Variants in GSTM3 observed in about 807,000 individuals in gnomAD.
The protein encoded by GSTM3 is GST class-mu 3.
In GSTM3, 34 loss-of-function variants were observed where a neutral mutation model predicts 36.1. That is an observed-to-expected ratio of 0.94 (90% CI 0.72 to 1.25). The LOEUF (loss-of-function observed/expected upper bound fraction) is 1.25, where lower values mean the gene tolerates loss of function less well. Among genes scored for constraint, GSTM3 ranks in the 50% most tolerant of loss-of-function variants. The pLI, the probability that GSTM3 is intolerant of heterozygous loss-of-function variation, is 0.00. For missense variants in GSTM3, 266 were observed against 281.6 expected, an observed-to-expected ratio of 0.94 and a Z score of 0.40; for synonymous variants, 102 against 99.5, an observed-to-expected ratio of 1.03 and a Z score of -0.15.
chr1:109,738,164 C>G lies in GSTM3; in HGVS notation c.299G>C (p.Arg100Pro). The G allele has an allele frequency of 1.2e-6, 2 of 1,613,728 alleles. No homozygotes were observed. Among genetic ancestry groups the G allele is most frequent in the Non-Finnish European group, 1.7e-6 (2 of 1,179,608 alleles). Residue 100 changes from arginine to proline, a missense_variant, in exon 6 of 9, where the codon CGA (arginine) becomes CCA (proline). Physicochemically the swap from Arg to Pro is moderately radical, Grantham distance 103. Transcript: ENST00000361066. ...TACTTGGTTCTCTATGATGTCCACTCGAATCTTTTCTTCTTCAGTCTCACC... is the reference window on the plus strand; with the variant it reads ...TACTTGGTTCTCTATGATGTCCACTGGAATCTTTTCTTCTTCAGTCTCACC... ...MCGETEEEKIRVDIIENQVMD... is the reference protein window; with the variant it reads ...MCGETEEEKIPVDIIENQVMD...
Position 109,736,797 on chromosome 1 carries a change from T to C in GSTM3, c.*274A>G, listed in dbSNP as rs1473582616. On this transcript the variant is annotated 3_prime_UTR_variant, in exon 9 of 9. Coordinates refer to ENST00000361066, the MANE Select transcript of GSTM3 (RefSeq NM_000849.5). The stretch of plus-strand genomic sequence containing the variant: ...ACACCTGCTCTCTCCAACTGTGCAA[T>C]CTCGTTTTTTCTAGTACCCACTCTC... 1 of 394,822 alleles carries C rather than the reference T, an allele frequency of 2.5e-6. No individual in the cohort carries two copies. The highest frequency in any genetic ancestry group is 4.6e-6 in the Non-Finnish European group (1 of 215,068). 24.5% of individuals were successfully genotyped at this position (394,822 alleles called of 1,614,324 possible).
rs375148438 is a variant in GSTM3 at position 109,739,377 on chromosome 1, A to G, written c.189+52T>C. On this transcript the variant is annotated intron_variant, in intron 4 of 8. Coordinates refer to ENST00000361066, the MANE Select transcript of GSTM3 (RefSeq NM_000849.5). Reference sequence around the variant, plus strand: ...CCAGGCAGGAGAGAGGCAAGGATGGATATACTTGAAGGCTTTCCCTTCTGC... The same window carrying G: ...CCAGGCAGGAGAGAGGCAAGGATGGGTATACTTGAAGGCTTTCCCTTCTGC... 8.0e-6 allele frequency: 10 copies of G among 1,242,564 alleles called. No homozygotes were observed. The African/African-American group carries it at 1.5e-4, about 18-fold the overall frequency. The allele number at this position is 1,242,564 out of a possible 1,614,324, so 77.0% of individuals were successfully genotyped here.
At chr1:109,737,321 G>C in intron 8 of GSTM3, 136 bp downstream of exon 8, 1 of 811,920 alleles carries the variant, frequency 1.2e-6, no homozygotes, top group Non-Finnish European at 2.1e-6. Flanking sequence ...CTCTTCCCAA[G>C]ACTTAAAGGT....
rs893468955 is a variant in GSTM3 at position 109,736,641 on chromosome 1, A to G, written c.*430T>C. On this transcript the variant is annotated 3_prime_UTR_variant, in exon 9 of 9. Coordinates refer to ENST00000361066, the MANE Select transcript of GSTM3 (RefSeq NM_000849.5). ...ATTGGCTAGCCCACCAGTCTGAAAT[A>G]CTGCCTTTATCACACTAAACTCCCA... 1 of 154,842 alleles carries G rather than the reference A, an allele frequency of 6.5e-6. No individual in the cohort carries two copies. Among genetic ancestry groups the G allele is most frequent in the African/African-American group, 2.4e-5 (1 of 41,508 alleles). 9.6% of individuals were successfully genotyped at this position (154,842 alleles called of 1,614,324 possible). A position where few individuals can be genotyped will look rare whatever the true frequency, so the allele number is the denominator to read the frequency against.
rs908151262 is a variant in GSTM3 at position 109,736,884 on chromosome 1, C to T, written c.*187G>A. ...TTGGGGAGTAGGGAAATGCCAGTAT[C>T]GCAGCGATTCAATTCATATCTTGAT... On this transcript the variant is annotated 3_prime_UTR_variant, in exon 9 of 9. Coordinates refer to ENST00000361066, the MANE Select transcript of GSTM3 (RefSeq NM_000849.5). 8.9e-6 allele frequency: 5 copies of T among 558,776 alleles called. No homozygotes were observed. The highest frequency in any genetic ancestry group is 3.2e-5 in the Admixed American group (1 of 31,110). The allele number at this position is 558,776 out of a possible 1,614,324, so 34.6% of individuals were successfully genotyped here.
chr1:109,737,028 G>A lies in GSTM3; in HGVS notation c.*43C>T, dbSNP rs767981233. On this transcript the variant is annotated 3_prime_UTR_variant, in exon 9 of 9. Coordinates refer to ENST00000361066, the MANE Select transcript of GSTM3 (RefSeq NM_000849.5). Reference sequence around the variant, plus strand: ...CAAAGCAAGAGCGCTGACCCCTTACGGACAGGATGAAACAAAACAAGCTCT... The same window carrying A: ...CAAAGCAAGAGCGCTGACCCCTTACAGACAGGATGAAACAAAACAAGCTCT... 8.9e-6 allele frequency: 11 copies of A among 1,233,238 alleles called. No individual in the cohort carries two copies. The highest frequency in any genetic ancestry group is 2.3e-5 in the East Asian group (1 of 42,986). The allele number at this position is 1,233,238 out of a possible 1,614,324, so 76.4% of individuals were successfully genotyped here.
Position 109,737,026 on chromosome 1 carries a change from A to G in GSTM3, c.*45T>C, listed in dbSNP as rs1203777670. 1.6e-6 allele frequency: 2 copies of G among 1,212,724 alleles called. No individual in the cohort carries two copies. Among genetic ancestry groups the G allele is most frequent in the Non-Finnish European group, 2.5e-6 (2 of 814,606 alleles). The allele number at this position is 1,212,724 out of a possible 1,614,324, so 75.1% of individuals were successfully genotyped here. A position where few individuals can be genotyped will look rare whatever the true frequency, so the allele number is the denominator to read the frequency against. ...AGCAAAGCAAGAGCGCTGACCCCTT[A>G]CGGACAGGATGAAACAAAACAAGCT... On this transcript the variant is annotated 3_prime_UTR_variant, in exon 9 of 9. Transcript: ENST00000361066.
chr1:109,739,569 G>T, intron 3 of GSTM3, 76 bp from the exon 4 acceptor site: 2 of 1,119,838 alleles, frequency 1.8e-6, no homozygotes, highest in Non-Finnish European at 1.3e-6. Context: ...CTAAAGAAAT[G>T]ACTTGGTCCC....
rs1166899229 is a variant in GSTM3 at position 109,737,718 on chromosome 1, G to A, written c.406C>T (p.Pro136Ser). 2 of 1,608,546 alleles carry A rather than the reference G, an allele frequency of 1.2e-6. No homozygotes were observed. Among genetic ancestry groups the A allele is most frequent in the Admixed American group, 1.7e-5 (1 of 59,194 alleles). The change falls in exon 7 of 9, where the codon CCT (proline) becomes TCT (serine). Residue 136 changes from proline to serine, a missense_variant. Transcript: ENST00000361066. ...ATGGAGAATTGTTTCAGTTGTCCAG[G>A]TAGCTCTTCCAAGTACTGAGGCTTC... ...KLKPQYLEEL[P>S]GQLKQFSMFL...
rs747271780 is a variant in GSTM3 at position 109,735,633 on chromosome 1, G to GAGTTTTTTTTTTTTTT, written c.*1437_*1438insAAAAAAAAAAAAAACT. 9.9e-5 allele frequency: 6 copies of GAGTTTTTTTTTTTTTT among 60,720 alleles called. 2 individuals carry two copies. The highest frequency in any genetic ancestry group is 1.4e-4 in the Non-Finnish European group (4 of 28,564). 3.8% of individuals were successfully genotyped at this position (60,720 alleles called of 1,614,324 possible). A position where few individuals can be genotyped will look rare whatever the true frequency, so the allele number is the denominator to read the frequency against. On this transcript the variant is annotated 3_prime_UTR_variant, in exon 9 of 9. Coordinates refer to ENST00000361066, the MANE Select transcript of GSTM3 (RefSeq NM_000849.5). ...CATCTTAGTATATGTCTCTTTGAAT[G>GAGTTTTTTTTTTTTTT]TTTTTTTTTTTTTTTTTTTTTTTTT... is the stretch of plus-strand genomic sequence containing the variant.
At position 109,736,346 on chromosome 1, in the gene GSTM3, T is replaced by C. The variant is rs957702176; in HGVS notation, c.*725A>G. On this transcript the variant is annotated 3_prime_UTR_variant, in exon 9 of 9. Coordinates refer to ENST00000361066, the MANE Select transcript of GSTM3 (RefSeq NM_000849.5). Reference sequence around the variant, plus strand: ...AGTTGTAGAATTTGATCCTATTCAATTGGCAAATCTTTCCTTTGTGATTGT... The same window carrying C: ...AGTTGTAGAATTTGATCCTATTCAACTGGCAAATCTTTCCTTTGTGATTGT... 1.3e-5 allele frequency: 2 copies of C among 152,230 alleles called. No homozygotes were observed. The highest frequency in any genetic ancestry group is 3.8e-4 in the East Asian group (2 of 5,200). 9.4% of individuals were successfully genotyped at this position (152,230 alleles called of 1,614,324 possible).
In GSTM3 at chr1:109,736,617, T is replaced by C. The variant is rs113099870; in HGVS notation, c.*454A>G. The C allele has an allele frequency of 1.9e-3, 295 of 153,498 alleles. 1 individual carries two copies. In the Middle Eastern group the frequency reaches 0.02, roughly 11 times the overall value. 9.5% of individuals were successfully genotyped at this position (153,498 alleles called of 1,614,324 possible). A position where few individuals can be genotyped will look rare whatever the true frequency, so the allele number is the denominator to read the frequency against. ...TGAGTAAGCAATTGTCCCAACTCTA[T>C]TGGCTAGCCCACCAGTCTGAAATAC... On this transcript the variant is annotated 3_prime_UTR_variant, in exon 9 of 9. Coordinates refer to ENST00000361066, the MANE Select transcript of GSTM3 (RefSeq NM_000849.5).
At chr1:109,740,186 C>G in intron 2 of GSTM3, 54 bp downstream of exon 2, 2 of 1,510,828 alleles carry the variant, frequency 1.3e-6, no homozygotes, top group Non-Finnish European at 9.2e-7. Flanking sequence ...GAGACCCGCC[C>G]TCTCCGCGTC....
intron 4 of GSTM3, 114 bp downstream of exon 4, chr1:109,739,315 A>C: frequency 1.6e-6 from 1 of 629,282 alleles, no homozygotes; most frequent in Non-Finnish European, 2.9e-6. Context: ...TATTTATTCT[A>C]TCCGGGTTAA....
rs1193568147 is a variant in GSTM3 at position 109,733,989 on chromosome 1, CA to C, written c.*3081del. 3.3e-5 allele frequency: 5 copies of C among 152,206 alleles called. No homozygotes were observed. Among genetic ancestry groups the C allele is most frequent in the Admixed American group, 1.3e-4 (2 of 15,278 alleles). 9.4% of individuals were successfully genotyped at this position (152,206 alleles called of 1,614,324 possible). A position where few individuals can be genotyped will look rare whatever the true frequency, so the allele number is the denominator to read the frequency against. ...GAAAAAGGAAAGCTCTCAGCAAAGACAGGGGTCTTGAAAGCAGGTTGCCAGT... is the reference window on the plus strand; with the variant it reads ...GAAAAAGGAAAGCTCTCAGCAAAGACGGGGTCTTGAAAGCAGGTTGCCAGT... On this transcript the variant is annotated 3_prime_UTR_variant, in exon 9 of 9. Coordinates refer to ENST00000361066, the MANE Select transcript of GSTM3 (RefSeq NM_000849.5).
At chr1:109,739,277 T>C in intron 4 of GSTM3, 152 bp downstream of exon 4, 1 of 532,298 alleles carries the variant, frequency 1.9e-6, no homozygotes, top group Non-Finnish European at 3.5e-6. Context: ...AAAATACATA[T>C]CCATCCAGTT....
At position 109,740,482 on chromosome 1, in the gene GSTM3, C is replaced by T. The variant is rs1340383712; in HGVS notation, c.-195G>A. ...GCCGGCGTTGGGGTTCAGGGCCTGG[C>T]GACCCCGAGGCGGGACCCGGGCAGG... is the stretch of plus-strand genomic sequence containing the variant. On this transcript the variant is annotated 5_prime_UTR_variant, in exon 2 of 9. Transcript: ENST00000361066. 1.9e-5 allele frequency: 11 copies of T among 593,834 alleles called. No homozygotes were observed. The highest frequency in any genetic ancestry group is 1.0e-4 in the South Asian group (5 of 50,142). 36.8% of individuals were successfully genotyped at this position (593,834 alleles called of 1,614,324 possible).
intron 4 of GSTM3, among the ~76,000 whole-genome samples, chr1:109,738,851 T>A (rs1232825009): frequency 1.3e-5 from 2 of 152,234 alleles, no homozygotes; most frequent in Non-Finnish European, 2.9e-5. Context: ...CTGGGCACAG[T>A]GGCTCATGCC....
intron 2 of GSTM3, 144 bp from the exon 3 acceptor site, chr1:109,740,052 G>T: frequency 1.2e-6 from 1 of 866,480 alleles, no homozygotes; most frequent in Non-Finnish European, 1.8e-6. Flanking sequence ...GCTCCGGCGT[G>T]GTCTCCTCCG....
Sources: gnomAD v4.1 joint callset for allele counts (sites outside exome capture counted in the v4.1 genomes callset) on GRCh38, gnomAD v4.1.1 for gene constraint, MANE v1.5 for transcripts, NCBI Gene and HGNC (gene_info 2026-07-23, HGNC 2026-07-21) for gene names.